Variants in MRPL3 observed in about 807,000 individuals in gnomAD.
MRPL3 encodes the protein mitochondrial ribosomal protein L3.
Under a neutral mutation model 44.3 loss-of-function variants are expected in MRPL3, and 43 were observed. The observed-to-expected ratio is 0.97, with a 90% confidence interval of 0.76 to 1.25. The LOEUF (loss-of-function observed/expected upper bound fraction) is 1.25, where lower values mean the gene tolerates loss of function less well. Among genes scored for constraint, MRPL3 ranks in the 50% most tolerant of loss-of-function variants. The pLI, the probability that MRPL3 is intolerant of heterozygous loss-of-function variation, is 0.00. For synonymous variants in MRPL3, 171 were observed against 152.3 expected (o/e 1.12, Z -0.91); for missense variants, 406 against 427.6 (o/e 0.95, Z 0.45).
chr3:131,492,519 C>T (rs1007747506), intron 4 of MRPL3, among the ~76,000 whole-genome samples: 2 of 152,140 alleles, frequency 1.3e-5, no homozygotes, highest in Admixed American at 1.3e-4. Flanking sequence ...AGATCCCTCG[C>T]ACACACAGCT....
At chr3:131,470,768 C>CT (rs1933723721) in intron 7 of MRPL3, among the ~76,000 whole-genome samples, 1 of 152,070 alleles carries the variant, frequency 6.6e-6, no homozygotes, top group African/African-American at 2.4e-5. Context: ...CATTTTCATA[C>CT]TTTAACGCCC....
intron 3 of MRPL3, among the ~76,000 whole-genome samples, chr3:131,498,546 C>T (rs1339102352): frequency 2.0e-5 from 3 of 151,204 alleles, no homozygotes; most frequent in Non-Finnish European, 3.0e-5. Context: ...ACTAAAAATA[C>T]AAAAAATTAG....
In MRPL3 at chr3:131,462,656, G is replaced by A; in HGVS notation, c.*67C>T. 11 of 1,423,844 alleles carry A rather than the reference G, an allele frequency of 7.7e-6. No individual in the cohort carries two copies. Among genetic ancestry groups the A allele is most frequent in the Non-Finnish European group, 1.0e-5 (11 of 1,050,296 alleles). 88.2% of individuals were successfully genotyped at this position (1,423,844 alleles called of 1,614,324 possible). A position where few individuals can be genotyped will look rare whatever the true frequency, so the allele number is the denominator to read the frequency against. ...AAGAAAGGAGAGTATGATTTCTGGT[G>A]GTTATGATATCACTCTGGCTCATCG... On this transcript the variant is annotated 3_prime_UTR_variant, in exon 10 of 10. Coordinates refer to ENST00000264995, the MANE Select transcript of MRPL3 (RefSeq NM_007208.4).
chr3:131,485,680 C>T (rs546975867), intron 6 of MRPL3, among the ~76,000 whole-genome samples: 17 of 152,128 alleles, frequency 1.1e-4, no homozygotes, highest in African/African-American at 3.6e-4. Flanking sequence ...GGTTTACAAT[C>T]TCTTTAAAAA....
intron 4 of MRPL3, among the ~76,000 whole-genome samples, chr3:131,494,944 C>T (rs1934334640): frequency 2.0e-5 from 3 of 152,134 alleles, no homozygotes; most frequent in African/African-American, 7.2e-5. Context: ...ATCCTTCCCA[C>T]AATGAAAATG....
At chr3:131,498,054 AAT>A in intron 4 of MRPL3, 123 bp downstream of exon 4, 1 of 758,032 alleles carries the variant, frequency 1.3e-6, no homozygotes, top group Non-Finnish European at 2.2e-6. Flanking sequence ...GCCTCCCCCA[AAT>A]ACACAATTTA....
intron 3 of MRPL3, 105 bp downstream of exon 3, chr3:131,500,325 A>C (rs769899804): frequency 3.5e-6 from 3 of 867,830 alleles, no homozygotes; most frequent in South Asian, 1.5e-5. Flanking sequence ...CCCTTTCTTC[A>C]CCATACAGTT....
At chr3:131,495,794 T>A (rs924720959) in intron 4 of MRPL3, among the ~76,000 whole-genome samples, 1 of 152,214 alleles carries the variant, frequency 6.6e-6, no homozygotes, top group African/African-American at 2.4e-5. Context: ...ATGTACTTTT[T>A]TTCTCCAAAC....
rs1410846952 is a variant in MRPL3, at chr3:131,498,194, A to G, written c.453T>C (p.Thr151=). ...ACATCCTTACACGAAAACGTGATACAGTTTTTCCTCCTACAGACAGGGTTG... is the reference window on the plus strand; with the variant it reads ...ACATCCTTACACGAAAACGTGATACGGTTTTTCCTCCTACAGACAGGGTTG... ...KMATLSVGGK[T]VSRFRKATSI... is the part of the protein sequence containing the mutation. Residue 151 remains threonine (T), a synonymous_variant, in exon 4 of 10, where the codon ACT becomes ACC. Coordinates refer to ENST00000264995, the MANE Select transcript of MRPL3 (RefSeq NM_007208.4). 3.1e-6 allele frequency: 5 copies of G among 1,604,072 alleles called. No individual in the cohort carries two copies. In the South Asian group the frequency reaches 4.4e-5, roughly 14 times the overall value.
rs371664312 is a variant in MRPL3 at position 131,497,306 on chromosome 3, C to T, written c.468+873G>A. Among the ~76,000 whole-genome samples the T allele has an allele frequency of 5.1e-4, 77 of 152,082 alleles. 1 individual carries two copies. Among genetic ancestry groups the T allele is most frequent in the African/African-American group, 1.6e-3 (68 of 41,496 alleles). On this transcript the variant is annotated intron_variant, in intron 4 of 9. Coordinates refer to ENST00000264995, the MANE Select transcript of MRPL3 (RefSeq NM_007208.4). ...AGGCTGAAAAGTTTATATAAAGTAA[C>T]AAATGAAAAAAGCGTAATGCTTATG...
chr3:131,462,713 T>C lies in MRPL3; in HGVS notation c.*10A>G, dbSNP rs750985526. On this transcript the variant is annotated 3_prime_UTR_variant, in exon 10 of 10. Transcript: ENST00000264995. The stretch of plus-strand genomic sequence containing the variant: ...ACAGAATATGTAAGGTTCTGCCACG[T>C]CCAAAGATGTTAGGCAAATGTAATA... 6.2e-7 allele frequency: 1 copy of C among 1,609,152 alleles called. No homozygotes were observed. Among genetic ancestry groups the C allele is most frequent in the Non-Finnish European group, 8.5e-7 (1 of 1,176,986 alleles).
At chr3:131,471,566 T>C (rs1290234246) in intron 6 of MRPL3, among the ~76,000 whole-genome samples, 2 of 152,174 alleles carry the variant, frequency 1.3e-5, no homozygotes, top group African/African-American at 4.8e-5. Context: ...AGGAGTTTTA[T>C]CATCCTAATT....
Position 131,501,491 on chromosome 3 carries a change from T to C in MRPL3, c.277+40A>G, listed in dbSNP as rs1323036500. 2.0e-6 allele frequency: 3 copies of C among 1,496,798 alleles called. No individual in the cohort carries two copies. The Admixed American group carries it at 5.3e-5, about 27-fold the overall frequency. The allele number at this position is 1,496,798 out of a possible 1,614,324, so 92.7% of individuals were successfully genotyped here. Reference sequence around the variant, plus strand: ...ATTTTAAATGTGTCCAGCCACACAGTAATTAGGAAATGAGAGCTCATCAAA... The same window carrying C: ...ATTTTAAATGTGTCCAGCCACACAGCAATTAGGAAATGAGAGCTCATCAAA... On this transcript the variant is annotated intron_variant, in intron 2 of 9. Coordinates refer to ENST00000264995, the MANE Select transcript of MRPL3 (RefSeq NM_007208.4).
chr3:131,478,133 C>T (rs546879066), intron 6 of MRPL3, among the ~76,000 whole-genome samples: 3 of 152,274 alleles, frequency 2.0e-5, no homozygotes, highest in African/African-American at 7.2e-5. Context: ...CAAGAGAGAA[C>T]ATAATGTCTG....
At chr3:131,476,944 G>A (rs1196558441) in intron 6 of MRPL3, among the ~76,000 whole-genome samples, 7 of 152,152 alleles carry the variant, frequency 4.6e-5, no homozygotes, top group Admixed American at 4.6e-4. Context: ...AGTTTGAAAA[G>A]ATGGTTTGAA....
intron 4 of MRPL3, among the ~76,000 whole-genome samples, chr3:131,494,455 T>TC (rs1286862931): frequency 1.9e-4 from 29 of 152,362 alleles, no homozygotes; most frequent in African/African-American, 6.7e-4. Context: ...AGAATGGACT[T>TC]CAAGTTTATT....
intron 6 of MRPL3, among the ~76,000 whole-genome samples, chr3:131,472,707 T>G (rs1280131349): frequency 6.6e-6 from 1 of 152,092 alleles, no homozygotes; most frequent in Non-Finnish European, 1.5e-5. Flanking sequence ...AGTGTTAGAA[T>G]AAATTCAGTA....
chr3:131,483,168 CTA>C (rs1673054312), intron 6 of MRPL3, among the ~76,000 whole-genome samples: 2 of 152,046 alleles, frequency 1.3e-5, no homozygotes, highest in Admixed American at 6.5e-5. Context: ...ATGTTAGACT[CTA>C]AACCATCATC....
At chr3:131,482,935 C>T (rs569996755) in intron 6 of MRPL3, among the ~76,000 whole-genome samples, 1 of 152,048 alleles carries the variant, frequency 6.6e-6, no homozygotes, top group South Asian at 2.1e-4. Context: ...TCCCTAACCA[C>T]AGCAGAAAGC....
Sources: allele counts gnomAD v4.1 joint callset (sites outside exome capture counted in the v4.1 genomes callset), GRCh38; gene constraint gnomAD v4.1.1; transcripts MANE v1.5; gene names NCBI Gene and HGNC (gene_info 2026-07-23, HGNC 2026-07-21).